ELK3: variants seen among roughly 807,000 people sequenced by gnomAD.
The protein encoded by ELK3 is ETS transcription factor ELK3, also known as ETS domain-containing protein Elk-3.
Under a neutral mutation model 28.9 loss-of-function variants are expected in ELK3, and 10 were observed. The observed-to-expected ratio is 0.35, with a 90% CI of 0.21 to 0.59. The LOEUF is 0.59. ELK3 is among the 20% of genes least tolerant of loss of function. The pLI, the probability that ELK3 is intolerant of heterozygous loss-of-function variation, is 0.82. For synonymous variants in ELK3, 272 were observed against 243.5 expected, an observed-to-expected ratio of 1.12 and a Z score of -1.09; for missense variants, 463 against 517.3, an observed-to-expected ratio of 0.90 and a Z score of 1.02.
In ELK3 at chr12:96,247,446, C is replaced by G. The variant is rs887835637; in HGVS notation, c.714C>G (p.Pro238=). The change falls in exon 3 of 5, where the codon CCC becomes CCG. Residue 238 remains proline (P), a synonymous_variant. Coordinates refer to ENST00000228741, the MANE Select transcript of ELK3 (RefSeq NM_005230.4). The surrounding 1 kb of genome is among the most constrained non-coding windows in gnomAD (Gnocchi z 5.5). ...PNAASISSAS[P]FSSRSPSLSP... is the part of the protein sequence containing the mutation. ...CTGCCAGTATTTCATCCGCCTCACC[C>G]TTCTCATCTCGGTCCCCGTCCCTGT... 6.2e-7 allele frequency: 1 copy of G among 1,614,066 alleles called. No individual in the cohort carries two copies. Among genetic ancestry groups the G allele is most frequent in the Non-Finnish European group, 8.5e-7 (1 of 1,180,050 alleles).
intron 1 of ELK3, chr12:96,222,706 T>A (rs1397858218): frequency 5.9e-5 from 9 of 152,266 alleles, no homozygotes; most frequent in Admixed American, 5.9e-4. Flanking sequence ...GGCACCTGTA[T>A]AAAGTATGGG....
At chr12:96,202,654 G>T (rs1951514721) in intron 1 of ELK3, among the ~76,000 whole-genome samples, 1 of 150,852 alleles carries the variant, frequency 6.6e-6, no homozygotes, top group African/African-American at 2.4e-5. Context: ...AACCTCCCAA[G>T]TAGCTGGAAT....
At chr12:96,216,598 C>T (rs1204295511) in intron 1 of ELK3, among the ~76,000 whole-genome samples, 1 of 152,214 alleles carries the variant, frequency 6.6e-6, no homozygotes, top group East Asian at 1.9e-4. Flanking sequence ...ACAATGCCTT[C>T]TAGCCTGGTG....
At position 96,268,267 on chromosome 12, in the gene ELK3, C is replaced by CAAAT. The variant is rs1404490202; in HGVS notation, c.*1089_*1092dup. ...GATGGATCAAAAACTTGCTGTAATACAAATAGAGAGTGGAGGTACTAAAGG... is the reference window on the plus strand; with the variant it reads ...GATGGATCAAAAACTTGCTGTAATACAAATAAATAGAGAGTGGAGGTACTAAAGG... On this transcript the variant is annotated 3_prime_UTR_variant, in exon 5 of 5. Coordinates refer to ENST00000228741, the MANE Select transcript of ELK3 (RefSeq NM_005230.4). The CAAAT allele has an allele frequency of 3.9e-5, 6 of 152,120 alleles. No individual in the cohort carries two copies. The highest frequency in any genetic ancestry group is 6.5e-5 in the Admixed American group (1 of 15,284). The allele number at this position is 152,120 out of a possible 1,614,324, so 9.4% of individuals were successfully genotyped here.
chr12:96,262,050 A>T (rs1951997353), intron 4 of ELK3, among the ~76,000 whole-genome samples: 1 of 138,408 alleles, frequency 7.2e-6, no homozygotes, highest in Admixed American at 7.8e-5. Context: ...ACAGAGTCTC[A>T]CTCTGTTGCC....
intron 4 of ELK3, 83 bp from the exon 5 acceptor site, chr12:96,266,999 T>C (rs775654636): frequency 2.0e-5 from 23 of 1,153,942 alleles, no homozygotes; most frequent in Non-Finnish European, 2.8e-5. Flanking sequence ...TGGACTGCTA[T>C]GGACTGTATG....
At chr12:96,264,801 A>C (rs1006586939) in intron 4 of ELK3, among the ~76,000 whole-genome samples, 3 of 152,154 alleles carry the variant, frequency 2.0e-5, no homozygotes, top group African/African-American at 4.8e-5. Flanking sequence ...AAGATAAAAC[A>C]TAACAATAGT....
At chr12:96,243,842 CAA>C (rs879461513) in intron 2 of ELK3, among the ~76,000 whole-genome samples, 2 of 136,418 alleles carry the variant, frequency 1.5e-5, no homozygotes, top group Admixed American at 7.4e-5. Flanking sequence ...GACTCCATCT[CAA>C]AAAAAAAAAA....
chr12:96,234,555 C>T (rs762304467), intron 2 of ELK3, among the ~76,000 whole-genome samples: 3 of 152,194 alleles, frequency 2.0e-5, no homozygotes, highest in Non-Finnish European at 4.4e-5. Context: ...CCTGCCTGTG[C>T]TCCTCCACGG....
intron 1 of ELK3, among the ~76,000 whole-genome samples, chr12:96,219,653 A>T (rs1427839953): frequency 6.6e-6 from 1 of 152,206 alleles, no homozygotes; most frequent in East Asian, 1.9e-4. Context: ...TTCATCATGC[A>T]GATGGCTCTG....
At chr12:96,244,678 G>A (rs1210447603) in intron 2 of ELK3, among the ~76,000 whole-genome samples, 1 of 152,030 alleles carries the variant, frequency 6.6e-6, no homozygotes, top group African/African-American at 2.4e-5. Flanking sequence ...AAAATATTAT[G>A]AGCTAAAACT....
At chr12:96,232,897 A>G (rs916729399) in intron 2 of ELK3, among the ~76,000 whole-genome samples, 1 of 152,188 alleles carries the variant, frequency 6.6e-6, no homozygotes, top group African/African-American at 2.4e-5. Flanking sequence ...GAGCCCAGGA[A>G]GTAGAGGCTG....
chr12:96,253,829 A>T (rs1467968408), intron 3 of ELK3, among the ~76,000 whole-genome samples: 7 of 152,248 alleles, frequency 4.6e-5, no homozygotes, highest in Admixed American at 3.9e-4. Context: ...TTTGGGAGAT[A>T]ATCACTGAAA....
chr12:96,211,484 T>TG lies in ELK3; in HGVS notation c.-2-12080dup, dbSNP rs1281109090. On this transcript the variant is annotated intron_variant, in intron 1 of 4. Transcript: ENST00000228741. ...AAACTGCCCTGGGGATGTCATTGTG[T>TG]GTTTGTGTGTGTGTGTGTGTGTGTG... Among the ~76,000 whole-genome samples, 7 of 31,206 alleles carry TG rather than the reference T, an allele frequency of 2.2e-4. No homozygotes were observed. In the East Asian group the frequency reaches 0.19, roughly 867 times the overall value. The allele number at this position is 31,206 out of a possible 152,430, so 20.5% of individuals were successfully genotyped here.
chr12:96,214,466 ACAG>A (rs933995284), intron 1 of ELK3, among the ~76,000 whole-genome samples: 2 of 151,618 alleles, frequency 1.3e-5, no homozygotes, highest in Non-Finnish European at 3.0e-5. Flanking sequence ...AAAAAAAAAA[ACAG>A]CAAAAACCAT....
chr12:96,264,377 T>C lies in ELK3; in HGVS notation c.1126-2705T>C, dbSNP rs184459475. Among the ~76,000 whole-genome samples the C allele has an allele frequency of 7.6e-4, 116 of 152,256 alleles. 1 individual carries two copies. The highest frequency in any genetic ancestry group is 4.8e-3 in the East Asian group (25 of 5,184). Reference sequence around the variant, plus strand: ...ATATAATTAGAAGACATTTTAGAGGTGAGCTCAAGAGAGGCAGACTTTGAG... The same window carrying C: ...ATATAATTAGAAGACATTTTAGAGGCGAGCTCAAGAGAGGCAGACTTTGAG... On this transcript the variant is annotated intron_variant, in intron 4 of 4. Coordinates refer to ENST00000228741, the MANE Select transcript of ELK3 (RefSeq NM_005230.4).
chr12:96,207,200 G>A (rs1951543595), intron 1 of ELK3, among the ~76,000 whole-genome samples: 1 of 152,192 alleles, frequency 6.6e-6, no homozygotes, highest in Non-Finnish European at 1.5e-5. Flanking sequence ...ACACCACTGT[G>A]TTTTTACTTC....
At chr12:96,250,229 A>G (rs1773345729) in intron 3 of ELK3, among the ~76,000 whole-genome samples, 1 of 152,206 alleles carries the variant, frequency 6.6e-6, no homozygotes, top group South Asian at 2.1e-4. Context: ...CTTCCCTCAC[A>G]TTCCCAGAGT....
chr12:96,229,073 C>G (rs532297003), intron 2 of ELK3, among the ~76,000 whole-genome samples: 3 of 152,252 alleles, frequency 2.0e-5, no homozygotes, highest in African/African-American at 7.2e-5. Context: ...GCTCTGGTAC[C>G]TCGGACAGGG....
Sources: gnomAD v4.1 joint callset for allele counts (sites outside exome capture counted in the v4.1 genomes callset) on GRCh38, gnomAD v4.1.1 for gene constraint, Gnocchi (gnomAD v3.1) non-coding constraint, MANE v1.5 for transcripts, NCBI Gene and HGNC (gene_info 2026-07-23, HGNC 2026-07-21) for gene names.